Variants in ECT2L observed in about 807,000 individuals in gnomAD.
ECT2L encodes the protein epithelial cell-transforming sequence 2 oncogene-like.
A neutral mutation model predicts 122.8 loss-of-function variants in ECT2L; 126 were observed. That is an observed-to-expected ratio of 1.03 (90% CI 0.89 to 1.19). ECT2L has a LOEUF of 1.19. Among genes scored for constraint, ECT2L ranks in the 50% most tolerant of loss-of-function variants. The pLI, the probability that ECT2L is intolerant of heterozygous loss-of-function variation, is 0.00. For synonymous variants in ECT2L, 385 were observed against 381.8 expected, an observed-to-expected ratio of 1.01 and a Z score of -0.10; for missense variants, 1,012 against 1,064.1, an observed-to-expected ratio of 0.95 and a Z score of 0.68.
intron 1 of ECT2L, among the ~76,000 whole-genome samples, chr6:138,799,308 C>T (rs1457707900): frequency 6.6e-6 from 1 of 151,770 alleles, no homozygotes; most frequent in Non-Finnish European, 1.5e-5. Context: ...GGCTGGAGTG[C>T]AGTGGCACGA....
intron 20 of ECT2L, among the ~76,000 whole-genome samples, chr6:138,900,377 G>T (rs1779358750): frequency 6.6e-6 from 1 of 151,980 alleles, no homozygotes; most frequent in Non-Finnish European, 1.5e-5. Flanking sequence ...CTCCCAAGTA[G>T]GTGGGACTAC....
chr6:138,840,180 A>G (rs1425630328), intron 5 of ECT2L, among the ~76,000 whole-genome samples: 1 of 152,104 alleles, frequency 6.6e-6, no homozygotes, highest in Non-Finnish European at 1.5e-5. Flanking sequence ...CACCCTCATC[A>G]TCTTCATGTT....
intron 10 of ECT2L, among the ~76,000 whole-genome samples, chr6:138,860,242 T>C (rs1168795550): frequency 6.6e-6 from 1 of 152,206 alleles, no homozygotes; most frequent in Non-Finnish European, 1.5e-5. Flanking sequence ...GATTTTCTCC[T>C]ATGTTTTTTC....
At chr6:138,850,598 A>G (rs1043828716) in intron 9 of ECT2L, among the ~76,000 whole-genome samples, 1 of 152,182 alleles carries the variant, frequency 6.6e-6, no homozygotes, top group African/African-American at 2.4e-5. Flanking sequence ...TAGTGCTGCT[A>G]TTGTTGAATA....
In ECT2L at chr6:138,838,522, AT is replaced by A. The variant is rs780504259; in HGVS notation, c.342+11del. 6.2e-7 allele frequency: 1 copy of A among 1,606,902 alleles called. No individual in the cohort carries two copies. The highest frequency in any genetic ancestry group is 2.2e-5 in the East Asian group (1 of 44,802). On this transcript the variant is annotated intron_variant, in intron 5 of 21. Coordinates refer to ENST00000541398, the MANE Select transcript of ECT2L (RefSeq NM_001077706.3). ...AAGTTTTTAACTGAACAGGTTTACT[AT>A]TTGCCACTTCCTAGTAATAGGGCAC... is the stretch of plus-strand genomic sequence containing the variant.
At chr6:138,850,101 A>G (rs1475977982) in intron 9 of ECT2L, among the ~76,000 whole-genome samples, 7 of 151,912 alleles carry the variant, frequency 4.6e-5, no homozygotes, top group Non-Finnish European at 1.0e-4. Flanking sequence ...AGTATTTTAG[A>G]TACTCTTATA....
intron 1 of ECT2L, among the ~76,000 whole-genome samples, chr6:138,797,043 T>C (rs1162851457): frequency 1.3e-5 from 2 of 152,224 alleles, no homozygotes; most frequent in Admixed American, 1.3e-4. Context: ...AGTGAGCACA[T>C]CCACCATTTG....
chr6:138,893,951 G>A (rs1225783919), intron 20 of ECT2L, among the ~76,000 whole-genome samples: 2 of 152,158 alleles, frequency 1.3e-5, no homozygotes, highest in Non-Finnish European at 2.9e-5. Context: ...CTTTTGGGGT[G>A]ATAACTTCAA....
At chr6:138,850,440 C>T (rs1455349613) in intron 9 of ECT2L, among the ~76,000 whole-genome samples, 2 of 152,098 alleles carry the variant, frequency 1.3e-5, no homozygotes, top group Admixed American at 6.6e-5. Flanking sequence ...CCACTTTGCC[C>T]GGCTGTGACT....
chr6:138,833,694 C>A (rs1193633232), intron 4 of ECT2L, among the ~76,000 whole-genome samples: 1 of 151,978 alleles, frequency 6.6e-6, no homozygotes, highest in Admixed American at 6.6e-5. Flanking sequence ...CCCAGCTGCT[C>A]AGGAGGCTGA....
At chr6:138,797,544 T>A (rs936698424) in intron 1 of ECT2L, among the ~76,000 whole-genome samples, 1 of 152,198 alleles carries the variant, frequency 6.6e-6, no homozygotes, top group Non-Finnish European at 1.5e-5. Context: ...ATTGACATCA[T>A]TGCTCTTCTG....
chr6:138,840,808 C>T (rs1232168236), intron 5 of ECT2L, among the ~76,000 whole-genome samples: 1 of 151,834 alleles, frequency 6.6e-6, no homozygotes, highest in Non-Finnish European at 1.5e-5. Flanking sequence ...TATCTTTTAT[C>T]AGTTTTGAAA....
chr6:138,806,116 A>G (rs1775702307), intron 1 of ECT2L, among the ~76,000 whole-genome samples: 1 of 152,146 alleles, frequency 6.6e-6, no homozygotes, highest in Non-Finnish European at 1.5e-5. Context: ...TCCAGTTGCA[A>G]ATGAGGCTCC....
At chr6:138,877,128 A>G (rs1778478486) in intron 14 of ECT2L, among the ~76,000 whole-genome samples, 1 of 152,214 alleles carries the variant, frequency 6.6e-6, no homozygotes, top group Admixed American at 6.5e-5. Flanking sequence ...CATTTTATAG[A>G]TAAAGAACTA....
intron 11 of ECT2L, among the ~76,000 whole-genome samples, 170 bp from the exon 12 acceptor site, chr6:138,864,826 C>A (rs543413585): frequency 6.6e-6 from 1 of 152,248 alleles, no homozygotes; most frequent in East Asian, 1.9e-4. Flanking sequence ...TTTCGAGTTT[C>A]TAATTTTACC....
rs775260923 is a variant in ECT2L, at chr6:138,888,963, A to G, written c.2346A>G (p.Arg782=). Residue 782 remains arginine, a synonymous_variant, in exon 20 of 22, where the codon AGA becomes AGG. Transcript: ENST00000541398. The part of the protein sequence containing the change: ...WGCPTLSEVN[R]YLIRVQDVAQ... ...TACAGACTCTATCAGAAGTAAACAG[A>G]TATCTGATTAGGGTACAAGATGTAG... 6.0e-6 allele frequency: 9 copies of G among 1,500,712 alleles called. No individual in the cohort carries two copies. The highest frequency in any genetic ancestry group is 2.4e-5 in the East Asian group (1 of 41,378). The allele number at this position is 1,500,712 out of a possible 1,614,324, so 93.0% of individuals were successfully genotyped here.
At chr6:138,879,414 G>A (rs1400121865) in intron 14 of ECT2L, 1 of 152,084 alleles carries the variant, frequency 6.6e-6, no homozygotes, top group Non-Finnish European at 1.5e-5. Flanking sequence ...GTATACTTAG[G>A]GCTGGAGGGA....
At chr6:138,854,185 T>C (rs777364346) in intron 10 of ECT2L, 31 bp downstream of exon 10, 4 of 1,572,674 alleles carry the variant, frequency 2.5e-6, no homozygotes, top group South Asian at 1.2e-5. Context: ...AGAGAGACAG[T>C]GGCCATGCCA....
chr6:138,862,875 T>C (rs1022254234), intron 11 of ECT2L, among the ~76,000 whole-genome samples, 156 bp downstream of exon 11: 1 of 152,354 alleles, frequency 6.6e-6, no homozygotes, highest in East Asian at 1.9e-4. Flanking sequence ...CCAAACTAGG[T>C]AATCTCCTAT....
Sources: allele counts gnomAD v4.1 joint callset (sites outside exome capture counted in the v4.1 genomes callset), GRCh38; gene constraint gnomAD v4.1.1; transcripts MANE v1.5; gene names NCBI Gene and HGNC (gene_info 2026-07-23, HGNC 2026-07-21).